The following ODF2 variants were observed in gnomAD, a reference collection of about 807,000 sequenced individuals.
The protein encoded by ODF2 is outer dense fiber protein 2.
Under a neutral mutation model 110.2 loss-of-function variants are expected in ODF2, and 47 were observed. The ratio of observed to expected loss-of-function variants is 0.43; its 90% confidence interval spans 0.34 to 0.54. The LOEUF (loss-of-function observed/expected upper bound fraction) is 0.54, where lower values mean the gene tolerates loss of function less well. ODF2 is among the 20% of genes least tolerant of loss of function. The pLI is 0.03. For synonymous variants in ODF2, 352 were observed against 397.7 expected (o/e 0.89, Z 1.37); for missense variants, 812 against 1,054.5 (o/e 0.77, Z 3.19).
upstream of ODF2, chr9:128,455,926 C>A: frequency 1.4e-6 from 2 of 1,387,352 alleles, no homozygotes; most frequent in Admixed American, 3.1e-5. Flanking sequence ...GAATGGGGGG[C>A]GAGACCCGGC....
intron 4 of ODF2, among the ~76,000 whole-genome samples, chr9:128,468,524 C>A (rs1838881231): frequency 6.6e-6 from 1 of 151,990 alleles, no homozygotes; most frequent in African/African-American, 2.4e-5. Context: ...CCACTACACC[C>A]ACCTGATTTT....
intron 14 of ODF2, among the ~76,000 whole-genome samples, chr9:128,489,576 A>G (rs1314168180): frequency 6.6e-6 from 1 of 152,208 alleles, no homozygotes; most frequent in Non-Finnish European, 1.5e-5. Flanking sequence ...GAGTTTATTC[A>G]TCCTCAGCGC....
chr9:128,456,750 T>C (rs2131387336), intron 1 of ODF2: 1 of 943,620 alleles, frequency 1.1e-6, no homozygotes. Flanking sequence ...GCCAGGGCCC[T>C]CGCCCGGCGG....
intron 4 of ODF2, among the ~76,000 whole-genome samples, chr9:128,462,351 G>C (rs1375408585): frequency 2.6e-5 from 4 of 152,118 alleles, no homozygotes; most frequent in Non-Finnish European, 5.9e-5. Flanking sequence ...GTTTGTCCAT[G>C]TTGGTCAGGC....
In ODF2 at chr9:128,485,298, G is replaced by T. The variant is rs1040871891; in HGVS notation, c.1291-67G>T. The stretch of plus-strand genomic sequence containing the variant: ...GTGAGAAACCACCTAGGATGAGCCC[G>T]CTCCCAGCTCCTGGCAGCCTCACCA... On this transcript the variant is annotated intron_variant, in intron 12 of 20. Transcript: ENST00000604420. This position sits in a 1 kb window ranked among gnomAD's most constrained non-coding sequence, Gnocchi z 5.0. 23 of 832,564 alleles carry T rather than the reference G, an allele frequency of 2.8e-5. No individual in the cohort carries two copies. In the African/African-American group the frequency reaches 3.0e-4, roughly 11 times the overall value. 51.6% of individuals were successfully genotyped at this position (832,564 alleles called of 1,614,324 possible). A position where few individuals can be genotyped will look rare whatever the true frequency, so the allele number is the denominator to read the frequency against.
intron 9 of ODF2, 62 bp from the exon 10 acceptor site, chr9:128,482,754 C>T: frequency 7.6e-7 from 1 of 1,321,342 alleles, no homozygotes; most frequent in East Asian, 2.3e-5. Flanking sequence ...AATCTCTGTC[C>T]TCCCTGGGCC....
At chr9:128,488,167 C>A in intron 14 of ODF2, 142 bp downstream of exon 14, 1 of 978,274 alleles carries the variant, frequency 1.0e-6, no homozygotes, top group Non-Finnish European at 1.5e-6. Flanking sequence ...GTGGCTTAGG[C>A]CTGTAATCCC....
intron 8 of ODF2, among the ~76,000 whole-genome samples, chr9:128,474,167 T>G (rs1840711554): frequency 6.6e-6 from 1 of 152,146 alleles, no homozygotes; most frequent in Non-Finnish European, 1.5e-5. Context: ...GAGAACAGCC[T>G]GGCCAACATA....
intron 8 of ODF2, among the ~76,000 whole-genome samples, chr9:128,479,265 C>T (rs1841964107): frequency 6.6e-6 from 1 of 152,158 alleles, no homozygotes; most frequent in Non-Finnish European, 1.5e-5. Flanking sequence ...GATGTCCCTC[C>T]CTCAAGGGAT....
At chr9:128,459,486 C>A in intron 2 of ODF2, 81 bp from the exon 2 acceptor site, 2 of 1,098,002 alleles carry the variant, frequency 1.8e-6, no homozygotes, top group Non-Finnish European at 2.7e-6. Context: ...CTACCGTAGT[C>A]AGTGTGTAAT....
exon 18 of ODF2, chr9:128,496,093 C>T (rs1845524309): frequency 6.2e-7 from 1 of 1,613,872 alleles, no homozygotes; most frequent in Non-Finnish European, 8.5e-7. Context: ...CATCAGGCTT[C>T]CCAGAAGGAA....
At chr9:128,457,606 C>G (rs1404034452) in intron 2 of ODF2, among the ~76,000 whole-genome samples, 1 of 152,210 alleles carries the variant, frequency 6.6e-6, no homozygotes, top group Non-Finnish European at 1.5e-5. Flanking sequence ...AATGTATACA[C>G]AATCCTAGCT....
intron 10 of ODF2, among the ~76,000 whole-genome samples, chr9:128,483,420 T>C (rs1842790251): frequency 6.6e-6 from 1 of 151,276 alleles, no homozygotes; most frequent in Non-Finnish European, 1.5e-5. Context: ...AAAATTAAAA[T>C]TAAAATTAAA....
At chr9:128,500,323 G>C (rs1846330585) in exon 21 of ODF2, 1 of 1,515,670 alleles carries the variant, frequency 6.6e-7, no homozygotes, top group Non-Finnish European at 9.1e-7. Context: ...AGCCATAGCT[G>C]AGAAGCCTGG....
At chr9:128,474,558 G>A (rs1840827976) in intron 8 of ODF2, among the ~76,000 whole-genome samples, 2 of 152,150 alleles carry the variant, frequency 1.3e-5, no homozygotes, top group Non-Finnish European at 1.5e-5. Flanking sequence ...CTCCTCAGGA[G>A]GCTGAGGCAG....
chr9:128,498,857 C>A, intron 19 of ODF2, 144 bp from the exon 20 acceptor site: 1 of 1,146,588 alleles, frequency 8.7e-7, no homozygotes, highest in Non-Finnish European at 1.3e-6. Flanking sequence ...ATAGTTAGTT[C>A]CTGCCCCAGC....
chr9:128,477,818 C>G (rs1841626206), intron 8 of ODF2, among the ~76,000 whole-genome samples: 1 of 151,694 alleles, frequency 6.6e-6, no homozygotes, highest in African/African-American at 2.4e-5. Context: ...AGCCTGGTCT[C>G]AAACTCCTGA....
rs1193469326 is a variant in ODF2 at position 128,456,273 on chromosome 9, G to A, written c.-209+18G>A. On this transcript the variant is annotated intron_variant, in intron 1 of 20. Coordinates refer to ENST00000604420, the Ensembl canonical transcript of ODF2. ...CGCTCCTGGTGAGAGGCCGCCGGCA[G>A]GCGGGATCCAGCGCCCTCCGGGGCA... The A allele has an allele frequency of 6.5e-7, 1 of 1,529,604 alleles. No individual in the cohort carries two copies. Among genetic ancestry groups the A allele is most frequent in the Middle Eastern group, 2.2e-4 (1 of 4,460 alleles). 94.8% of individuals were successfully genotyped at this position (1,529,604 alleles called of 1,614,324 possible).
chr9:128,457,975 G>A (rs1218701526), intron 2 of ODF2, among the ~76,000 whole-genome samples: 19 of 148,800 alleles, frequency 1.3e-4, no homozygotes, highest in Admixed American at 1.1e-3. Context: ...TTAAAATCAC[G>A]ATGTAATACA....
Sources: allele counts gnomAD v4.1 joint callset (sites outside exome capture counted in the v4.1 genomes callset), GRCh38; gene constraint gnomAD v4.1.1; non-coding constraint Gnocchi (gnomAD v3.1); transcripts MANE v1.5; gene names NCBI Gene and HGNC (gene_info 2026-07-23, HGNC 2026-07-21).